GLIS3: variants seen among roughly 807,000 people sequenced by gnomAD.
GLIS3 encodes zinc finger protein GLIS3.
Under a neutral mutation model 78.6 loss-of-function variants are expected in GLIS3, and 53 were observed. The observed-to-expected ratio is 0.67, with a 90% CI of 0.54 to 0.85. The LOEUF is 0.85. Among genes scored for constraint, GLIS3 ranks in the 40% least tolerant of loss-of-function variants. GLIS3 has a pLI of 0.00. For missense variants in GLIS3, 1,703 were observed against 1,231.1 expected, an observed-to-expected ratio of 1.38 and a Z score of -5.74; for synonymous variants, 684 against 509.9, an observed-to-expected ratio of 1.34 and a Z score of -4.60.
At chr9:4,410,684 G>A in the GLIS3 span, among the ~76,000 whole-genome samples, 1 of 152,150 alleles carries the variant, frequency 6.6e-6, no homozygotes, top group African/African-American at 2.4e-5. Flanking sequence ...CACTGTTTTA[G>A]TGATCAGGGG....
chr9:4,215,994 T>C (rs1820793222), intron 2 of GLIS3, among the ~76,000 whole-genome samples: 2 of 152,222 alleles, frequency 1.3e-5, no homozygotes, highest in African/African-American at 4.8e-5. Context: ...CTGGACTCCA[T>C]GATGCTTGGG....
At chr9:4,163,938 C>T (rs1249651006) in intron 2 of GLIS3, among the ~76,000 whole-genome samples, 2 of 152,228 alleles carry the variant, frequency 1.3e-5, no homozygotes, top group African/African-American at 2.4e-5. Context: ...AGCAGCCACA[C>T]TGGCTATAAG....
the GLIS3 span, among the ~76,000 whole-genome samples, chr9:4,358,883 C>G: frequency 6.6e-6 from 1 of 152,158 alleles, no homozygotes; most frequent in Admixed American, 6.5e-5. Context: ...TCAGTGTGGG[C>G]TACCACTGCT....
At chr9:4,011,722 C>T (rs1425521875) in intron 4 of GLIS3, among the ~76,000 whole-genome samples, 1 of 152,204 alleles carries the variant, frequency 6.6e-6, no homozygotes, top group African/African-American at 2.4e-5. Flanking sequence ...TTACTTTCAT[C>T]TGGCCAGTTT....
chr9:4,408,239 A>G, the GLIS3 span, among the ~76,000 whole-genome samples: 1 of 152,112 alleles, frequency 6.6e-6, no homozygotes, highest in African/African-American at 2.4e-5. Flanking sequence ...GAGCTACCAT[A>G]TGACCCAGCA....
At chr9:4,477,912 A>C in the GLIS3 span, among the ~76,000 whole-genome samples, 2 of 152,232 alleles carry the variant, frequency 1.3e-5, no homozygotes, top group Non-Finnish European at 2.9e-5. Context: ...TGGAAACAAT[A>C]ATATGAACTT....
At chr9:4,034,764 A>G (rs1824166442) in intron 4 of GLIS3, 1 of 152,054 alleles carries the variant, frequency 6.6e-6, no homozygotes, top group African/African-American at 2.4e-5. Flanking sequence ...TTCTTGGGGG[A>G]AGAGTTCAAC....
intron 2 of GLIS3, among the ~76,000 whole-genome samples, chr9:4,200,424 A>G (rs76183475): frequency 0.025 from 3,848 of 152,252 alleles, 160 homozygotes; most frequent in African/African-American, 0.088. Context: ...TATTCAAAGA[A>G]AAAAAACAGA....
At chr9:4,475,174 A>G in the GLIS3 span, among the ~76,000 whole-genome samples, 4 of 151,964 alleles carry the variant, frequency 2.6e-5, no homozygotes, top group East Asian at 7.7e-4. Context: ...TTTCAAATTC[A>G]GAAGAAATCA....
chr9:4,474,235 A>G, the GLIS3 span, among the ~76,000 whole-genome samples: 5 of 152,254 alleles, frequency 3.3e-5, no homozygotes, highest in African/African-American at 9.6e-5. Flanking sequence ...TAGTGGAAAG[A>G]TAGACAAATA....
chr9:4,131,548 T>C (rs1438045633), intron 2 of GLIS3, among the ~76,000 whole-genome samples: 1 of 148,428 alleles, frequency 6.7e-6, no homozygotes, highest in African/African-American at 2.5e-5. Flanking sequence ...TATAAAAGTG[T>C]GTGGCACTGC....
the GLIS3 span, among the ~76,000 whole-genome samples, chr9:4,422,027 A>G: frequency 6.6e-6 from 1 of 152,258 alleles, no homozygotes; most frequent in Admixed American, 6.5e-5. Flanking sequence ...TCTGTCACCA[A>G]TAGAAACCAC....
chr9:4,068,306 T>C (rs1827275646), intron 4 of GLIS3, among the ~76,000 whole-genome samples: 1 of 142,790 alleles, frequency 7.0e-6, no homozygotes, highest in Non-Finnish European at 1.6e-5. Context: ...AGGTGCCACA[T>C]TTCTTATCTT....
chr9:3,964,318 G>C (rs1367537789), intron 4 of GLIS3, among the ~76,000 whole-genome samples: 1 of 152,064 alleles, frequency 6.6e-6, no homozygotes, highest in African/African-American at 2.4e-5. Context: ...TCTTATAAAA[G>C]TTATGTTTCA....
intron 7 of GLIS3, among the ~76,000 whole-genome samples, chr9:3,880,620 TAAGA>T (rs1470672766): frequency 6.6e-6 from 1 of 152,168 alleles, no homozygotes; most frequent in South Asian, 2.1e-4. Context: ...GGTTCAGGAT[TAAGA>T]AAGAGAAGCC....
At chr9:4,408,750 AG>A in the GLIS3 span, among the ~76,000 whole-genome samples, 5 of 145,740 alleles carry the variant, frequency 3.4e-5, no homozygotes, top group African/African-American at 1.3e-4. Context: ...AAAAAAAAAT[AG>A]AGAGAATGAA....
intron 2 of GLIS3, among the ~76,000 whole-genome samples, chr9:4,215,922 T>G (rs1820785611): frequency 6.6e-6 from 1 of 152,172 alleles, no homozygotes; most frequent in Non-Finnish European, 1.5e-5. Flanking sequence ...ATTTAAGAAT[T>G]TAAAACTAAA....
intron 8 of GLIS3, among the ~76,000 whole-genome samples, chr9:3,862,166 C>T (rs557781894): frequency 7.2e-5 from 11 of 152,024 alleles, no homozygotes; most frequent in Admixed American, 3.3e-4. Flanking sequence ...AAATGCCCAA[C>T]GAGGTAAAAT....
chr9:4,159,831 A>C (rs1835343084), intron 2 of GLIS3, among the ~76,000 whole-genome samples: 1 of 152,228 alleles, frequency 6.6e-6, no homozygotes, highest in Non-Finnish European at 1.5e-5. Context: ...AAATACATTC[A>C]GGAGAGAAGA....
Sources: allele counts gnomAD v4.1 joint callset (sites outside exome capture counted in the v4.1 genomes callset), GRCh38; gene constraint gnomAD v4.1.1; transcripts MANE v1.5; gene names NCBI Gene and HGNC (gene_info 2026-07-23, HGNC 2026-07-21).